The following NCAPG2 variants were observed in gnomAD, a reference collection of about 807,000 sequenced individuals.
NCAPG2 encodes the protein non-SMC condensin II complex subunit G2.
In NCAPG2, 53 loss-of-function variants were observed where a neutral mutation model predicts 141.1. That is an observed-to-expected ratio of 0.38 (90% confidence interval 0.30 to 0.47). NCAPG2 has a LOEUF of 0.47. Ranked by LOEUF, NCAPG2 falls within the 20% of genes least tolerant of loss-of-function variation. The pLI is 0.99. For missense variants in NCAPG2, 1,087 were observed against 1,389.0 expected (o/e 0.78, Z 3.46); for synonymous variants, 499 against 490.7 (o/e 1.02, Z -0.22).
chr7:158,646,609 C>T (rs779009238), intron 24 of NCAPG2, 46 bp from the exon 25 acceptor site: 2 of 1,323,942 alleles, frequency 1.5e-6, no homozygotes, highest in South Asian at 2.7e-5. Flanking sequence ...GACTAGGCTA[C>T]TTACTTGTAA....
intron 24 of NCAPG2, among the ~76,000 whole-genome samples, chr7:158,648,790 A>C (rs1236986565): frequency 7.6e-6 from 1 of 132,322 alleles, no homozygotes; most frequent in Non-Finnish European, 1.6e-5. Context: ...AACCACGCCA[A>C]ATGGACCACA....
intron 1 of NCAPG2, among the ~76,000 whole-genome samples, chr7:158,702,550 A>G (rs912063939): frequency 6.6e-6 from 1 of 152,224 alleles, no homozygotes; most frequent in Admixed American, 6.5e-5. Flanking sequence ...TTTCCAGGAA[A>G]TTCTATTTCG....
intron 2 of NCAPG2, 104 bp downstream of exon 2, chr7:158,701,718 G>T: frequency 9.7e-7 from 1 of 1,026,818 alleles, no homozygotes. Flanking sequence ...TGGTCGCTAA[G>T]GATTCACTGA....
chr7:158,653,093 G>T lies in NCAPG2; in HGVS notation c.2747-613C>A, dbSNP rs559044691. On this transcript the variant is annotated intron_variant, in intron 22 of 27. Coordinates refer to ENST00000356309, the MANE Select transcript of NCAPG2 (RefSeq NM_017760.7). Reference sequence around the variant, plus strand: ...AATTATAAAGAATTAAACAGGCTGGGTATGGTGGCTCACGCCTGTAATCCC... The same window carrying T: ...AATTATAAAGAATTAAACAGGCTGGTTATGGTGGCTCACGCCTGTAATCCC... 2.0e-5 allele frequency among the ~76,000 whole-genome samples: 3 copies of T among 152,294 alleles called. No homozygotes were observed. The East Asian group carries it at 5.8e-4, about 29-fold the overall frequency.
intron 1 of NCAPG2, 73 bp downstream of exon 1, chr7:158,704,651 C>A (rs1836059852): frequency 6.6e-6 from 1 of 152,598 alleles, no homozygotes; most frequent in African/African-American, 2.4e-5. Context: ...CGAGGAGGGG[C>A]TTCCCGCCCG....
At chr7:158,680,559 T>C (rs1834387088) in intron 10 of NCAPG2, among the ~76,000 whole-genome samples, 162 bp downstream of exon 10, 4 of 152,220 alleles carry the variant, frequency 2.6e-5, no homozygotes, top group Admixed American at 2.6e-4. Flanking sequence ...AACCAAGAAA[T>C]GCTTTTAATA....
chr7:158,652,623 G>T, intron 22 of NCAPG2, 143 bp from the exon 23 acceptor site: 1 of 684,304 alleles, frequency 1.5e-6, no homozygotes, highest in South Asian at 2.0e-5. Flanking sequence ...AATACCAAAA[G>T]CCAGGTTGAT....
intron 13 of NCAPG2, among the ~76,000 whole-genome samples, chr7:158,667,405 C>A (rs1289013120): frequency 1.1e-4 from 5 of 46,442 alleles, no homozygotes; most frequent in Non-Finnish European, 1.7e-4. Context: ...TCCCTCCGCC[C>A]TCCTTACCCA....
intron 6 of NCAPG2, 86 bp from the exon 7 acceptor site, chr7:158,687,528 C>T (rs996546668): frequency 8.0e-5 from 74 of 922,100 alleles, no homozygotes; most frequent in Non-Finnish European, 1.1e-4. Flanking sequence ...GTCTAGTAAG[C>T]TAAACATTGC....
intron 15 of NCAPG2, 65 bp downstream of exon 15, chr7:158,664,119 A>G: frequency 8.2e-7 from 1 of 1,216,476 alleles, no homozygotes; most frequent in Non-Finnish European, 1.2e-6. Context: ...TATTCCTAAC[A>G]TAATGGCCCA....
intron 24 of NCAPG2, among the ~76,000 whole-genome samples, chr7:158,646,937 G>A (rs950364204): frequency 6.6e-6 from 1 of 151,936 alleles, no homozygotes; most frequent in Non-Finnish European, 1.5e-5. Context: ...ACTGAGGCAG[G>A]AGGATCACTT....
chr7:158,664,282 C>T lies in NCAPG2; in HGVS notation c.1717G>A (p.Val573Ile), dbSNP rs758069657. The stretch of plus-strand genomic sequence containing the variant: ...CAGGCATTTAAGCAATGACGAATAA[C>T]GTGAATCAGCTTTGCTGAAATGTTT... ...ACTNIAKLIH[V>I]IRHCLNACIQ... The change falls in exon 15 of 28, where the codon GTT (valine) becomes ATT (isoleucine). Residue 573 changes from valine (V) to isoleucine (I), a missense_variant. Transcript: ENST00000356309. 10 of 1,612,682 alleles carry T rather than the reference C, an allele frequency of 6.2e-6. No homozygotes were observed. In the South Asian group the frequency reaches 7.7e-5, roughly 12 times the overall value.
intron 3 of NCAPG2, 59 bp downstream of exon 3, chr7:158,693,250 G>A: frequency 1.3e-6 from 2 of 1,526,236 alleles, no homozygotes; most frequent in Non-Finnish European, 1.8e-6. Flanking sequence ...ACACAGTGAA[G>A]TTATTTTTTG....
intron 27 of NCAPG2, among the ~76,000 whole-genome samples, chr7:158,636,781 C>T (rs1222067613): frequency 1.3e-5 from 2 of 152,184 alleles, no homozygotes; most frequent in African/African-American, 4.8e-5. Context: ...AACATTCTTA[C>T]AGTTGGTAAT....
chr7:158,662,978 T>G (rs1015494917), intron 15 of NCAPG2, among the ~76,000 whole-genome samples: 1 of 152,224 alleles, frequency 6.6e-6, no homozygotes, highest in Non-Finnish European at 1.5e-5. Context: ...ATGCTGATAG[T>G]GCACAGTACT....
intron 4 of NCAPG2, among the ~76,000 whole-genome samples, chr7:158,690,961 A>G (rs1045263568): frequency 1.3e-5 from 2 of 152,198 alleles, no homozygotes; most frequent in Non-Finnish European, 2.9e-5. Flanking sequence ...TAGAAAAGAG[A>G]TTTTTGGAAC....
intron 24 of NCAPG2, among the ~76,000 whole-genome samples, chr7:158,648,539 C>A (rs878878020): frequency 7.1e-6 from 1 of 141,146 alleles, no homozygotes; most frequent in Non-Finnish European, 1.5e-5. Context: ...AAATGGACGA[C>A]AACCACGGCA....
chr7:158,638,071 G>A (rs1830410091), intron 27 of NCAPG2, among the ~76,000 whole-genome samples: 1 of 152,076 alleles, frequency 6.6e-6, no homozygotes, highest in South Asian at 2.1e-4. Flanking sequence ...TTGAACCTGG[G>A]AGGCAAAGGT....
chr7:158,656,412 TACC>T lies in NCAPG2; in HGVS notation c.2233_2235del (p.Gly745del). 1 of 1,614,050 alleles carries T rather than the reference TACC, an allele frequency of 6.2e-7. No homozygotes were observed. Among genetic ancestry groups the T allele is most frequent in the African/African-American group, 1.3e-5 (1 of 75,052 alleles). On this transcript the variant is annotated inframe_deletion, in exon 19 of 28. Transcript: ENST00000356309. ...GGGCGTGTGTCATGGATCTGCACCC[TACC>T]TTTAGAAGCTGTGTTGCTCTGAAAG...
Sources: allele counts gnomAD v4.1 joint callset (sites outside exome capture counted in the v4.1 genomes callset), GRCh38; gene constraint gnomAD v4.1.1; transcripts MANE v1.5; gene names NCBI Gene and HGNC (gene_info 2026-07-23, HGNC 2026-07-21).